The following NRG3 variants were observed in gnomAD, a reference collection of about 807,000 sequenced individuals.
NRG3 encodes the protein pro-neuregulin-3, membrane-bound isoform.
In NRG3, 31 loss-of-function variants were observed where a neutral mutation model predicts 66.9. That is an observed-to-expected ratio of 0.46 (90% CI 0.35 to 0.63). The LOEUF is 0.63. Among genes scored for constraint, NRG3 ranks in the 20% least tolerant of loss-of-function variants. The pLI is 0.00. For missense variants in NRG3, 910 were observed against 878.9 expected, an observed-to-expected ratio of 1.04 and a Z score of -0.45; for synonymous variants, 393 against 359.4, an observed-to-expected ratio of 1.09 and a Z score of -1.06.
intron 1 of NRG3, among the ~76,000 whole-genome samples, chr10:82,306,277 G>C (rs2080718409): frequency 6.6e-6 from 1 of 151,998 alleles, no homozygotes. Flanking sequence ...ACAATTATTA[G>C]GTAATATTGG....
intron 2 of NRG3, among the ~76,000 whole-genome samples, chr10:82,409,336 A>G (rs1452259614): frequency 1.3e-5 from 2 of 152,190 alleles, no homozygotes; most frequent in Non-Finnish European, 2.9e-5. Context: ...ACCAATAGTG[A>G]TTTGGATAAT....
intron 1 of NRG3, among the ~76,000 whole-genome samples, chr10:82,283,728 G>A (rs1270019321): frequency 6.6e-6 from 1 of 152,162 alleles, no homozygotes; most frequent in Non-Finnish European, 1.5e-5. Flanking sequence ...GGTCATGGAA[G>A]TAGCCTGTTG....
At chr10:82,813,001 G>A (rs1444471372) in intron 3 of NRG3, among the ~76,000 whole-genome samples, 2 of 152,066 alleles carry the variant, frequency 1.3e-5, no homozygotes, top group African/African-American at 2.4e-5. Flanking sequence ...GTCCTTAAAT[G>A]TAATAGCAAC....
At chr10:82,176,544 T>C (rs1461178924) in intron 1 of NRG3, among the ~76,000 whole-genome samples, 3 of 152,130 alleles carry the variant, frequency 2.0e-5, no homozygotes, top group Non-Finnish European at 4.4e-5. Flanking sequence ...CAGAGCACAC[T>C]GAAGGGGAGA....
intron 1 of NRG3, among the ~76,000 whole-genome samples, chr10:81,917,609 A>G (rs1845825217): frequency 6.6e-6 from 1 of 152,246 alleles, no homozygotes; most frequent in South Asian, 2.1e-4. Context: ...ATAATATGCA[A>G]CATAACTATT....
At chr10:82,293,093 G>A (rs2079840519) in intron 1 of NRG3, among the ~76,000 whole-genome samples, 1 of 152,150 alleles carries the variant, frequency 6.6e-6, no homozygotes, top group Non-Finnish European at 1.5e-5. Flanking sequence ...ACATGGAGGA[G>A]GCTTTTGGCC....
chr10:82,184,513 C>A (rs1273529892), intron 1 of NRG3, among the ~76,000 whole-genome samples: 1 of 152,146 alleles, frequency 6.6e-6, no homozygotes, highest in Non-Finnish European at 1.5e-5. Context: ...AAGTCAGAGG[C>A]CTTTTATCAT....
intron 2 of NRG3, among the ~76,000 whole-genome samples, chr10:82,545,582 C>T (rs2043842578): frequency 6.6e-6 from 1 of 151,610 alleles, no homozygotes; most frequent in African/African-American, 2.4e-5. Flanking sequence ...GGGGTTTCAC[C>T]GTGTTAGCCA....
chr10:81,911,462 C>G (rs1845137199), intron 1 of NRG3, among the ~76,000 whole-genome samples: 4 of 151,998 alleles, frequency 2.6e-5, no homozygotes, highest in Admixed American at 2.6e-4. Context: ...GAGATTTTTG[C>G]AGCTGCAATG....
At chr10:82,111,702 T>C (rs1053809604) in intron 1 of NRG3, among the ~76,000 whole-genome samples, 1 of 152,094 alleles carries the variant, frequency 6.6e-6, no homozygotes, top group African/African-American at 2.4e-5. Flanking sequence ...ATAATGAGGG[T>C]CTCTATTAAA....
chr10:82,919,710 G>A (rs1303289887), intron 4 of NRG3, among the ~76,000 whole-genome samples: 1 of 152,150 alleles, frequency 6.6e-6, no homozygotes, highest in Non-Finnish European at 1.5e-5. Flanking sequence ...AGATCAGAAA[G>A]ACTTGGAGTA....
chr10:82,360,787 G>T (rs529786622), intron 2 of NRG3, among the ~76,000 whole-genome samples: 2 of 151,830 alleles, frequency 1.3e-5, no homozygotes, highest in South Asian at 4.2e-4. Context: ...ACTTATAGAT[G>T]GTCAAGGAGA....
intron 1 of NRG3, among the ~76,000 whole-genome samples, chr10:82,199,037 C>T (rs1156782459): frequency 6.7e-6 from 1 of 149,288 alleles, no homozygotes; most frequent in African/African-American, 2.5e-5. Context: ...GGCGTGGTTG[C>T]ATGCACCTGT....
rs556534172 is a variant in NRG3 at position 82,844,648 on chromosome 10, A to G, written c.1028-20763A>G. ...GATAGTACAAAATAGTTAATCTCCT[A>G]GGATCCAAAACGCCTCTACAATCTT... On this transcript the variant is annotated intron_variant, in intron 3 of 8. Transcript: ENST00000372141. 2.9e-4 allele frequency among the ~76,000 whole-genome samples: 44 copies of G among 151,168 alleles called. 1 individual carries two copies. The East Asian group carries it at 7.4e-3, about 26-fold the overall frequency.
chr10:82,839,692 G>A (rs1339688677), intron 3 of NRG3, among the ~76,000 whole-genome samples: 1 of 151,352 alleles, frequency 6.6e-6, no homozygotes, highest in Admixed American at 6.6e-5. Flanking sequence ...TATAAAATAT[G>A]TGATTATTTT....
intron 3 of NRG3, among the ~76,000 whole-genome samples, chr10:82,860,737 T>C (rs1046233992): frequency 7.9e-5 from 12 of 152,354 alleles, no homozygotes; most frequent in Admixed American, 6.5e-4. Flanking sequence ...GGAAGTTATA[T>C]GTTCAAACAT....
chr10:82,978,154 G>A (rs1852480940), intron 7 of NRG3, among the ~76,000 whole-genome samples: 1 of 152,138 alleles, frequency 6.6e-6, no homozygotes, highest in South Asian at 2.1e-4. Flanking sequence ...GGGTGGAGAT[G>A]GGAATGGATA....
chr10:82,424,504 A>G (rs1438456935), intron 2 of NRG3, among the ~76,000 whole-genome samples: 1 of 151,924 alleles, frequency 6.6e-6, no homozygotes, highest in African/African-American at 2.4e-5. Context: ...TGTTTTTATC[A>G]TTATTATATG....
chr10:82,216,886 A>C (rs1195986149), intron 1 of NRG3, among the ~76,000 whole-genome samples: 1 of 152,116 alleles, frequency 6.6e-6, no homozygotes, highest in Non-Finnish European at 1.5e-5. Context: ...AATTAATGTG[A>C]AGATCAGATC....
Sources: gnomAD v4.1 joint callset for allele counts (sites outside exome capture counted in the v4.1 genomes callset) on GRCh38, gnomAD v4.1.1 for gene constraint, MANE v1.5 for transcripts, NCBI Gene and HGNC (gene_info 2026-07-23, HGNC 2026-07-21) for gene names.